Variants in SGCZ observed in about 807,000 individuals in gnomAD.
SGCZ encodes the protein sarcoglycan zeta, also known as zeta-sarcoglycan.
SGCZ carries 40 observed loss-of-function variants against 41.3 expected under a neutral mutation model. The observed-to-expected ratio is 0.97, with a 90% CI of 0.75 to 1.26. SGCZ has a LOEUF of 1.26. Among genes scored for constraint, SGCZ ranks in the 50% most tolerant of loss-of-function variants. The pLI is 0.00. For synonymous variants in SGCZ, 206 were observed against 137.5 expected (o/e 1.50, Z -3.49); for missense variants, 552 against 369.8 (o/e 1.49, Z -4.04).
chr8:14,732,762 A>C (rs970228210), intron 1 of SGCZ, among the ~76,000 whole-genome samples: 10 of 152,146 alleles, frequency 6.6e-5, no homozygotes, highest in Non-Finnish European at 1.5e-5. Context: ...TAAGTGATAG[A>C]GAAGTATTTT....
At chr8:15,189,608 T>C (rs1048915806) in intron 1 of SGCZ, among the ~76,000 whole-genome samples, 9 of 151,978 alleles carry the variant, frequency 5.9e-5, no homozygotes, top group African/African-American at 2.2e-4. Flanking sequence ...TTGCCCAGGC[T>C]AGAGCGCAAT....
chr8:14,260,930 C>T (rs550705775), intron 3 of SGCZ, among the ~76,000 whole-genome samples: 1 of 152,200 alleles, frequency 6.6e-6, no homozygotes, highest in Admixed American at 6.5e-5. Flanking sequence ...GGGAATATCA[C>T]ACTCCAGGGA....
At chr8:14,479,746 T>TTA (rs1801477402) in intron 2 of SGCZ, among the ~76,000 whole-genome samples, 1 of 76,106 alleles carries the variant, frequency 1.3e-5, no homozygotes, top group Non-Finnish European at 2.9e-5. Context: ...TTTTTTTTTT[T>TTA]TTTTTTTTTT....
chr8:14,809,111 G>A (rs1162732792), intron 1 of SGCZ, among the ~76,000 whole-genome samples: 1 of 150,512 alleles, frequency 6.6e-6, no homozygotes, highest in Admixed American at 6.6e-5. Flanking sequence ...GGATAGCATT[G>A]GGAGATATAC....
intron 2 of SGCZ, among the ~76,000 whole-genome samples, chr8:14,349,603 G>T (rs1483621925): frequency 6.6e-6 from 1 of 152,062 alleles, no homozygotes; most frequent in Non-Finnish European, 1.5e-5. Context: ...CCTAGTGGAG[G>T]ACAGATTAAC....
intron 1 of SGCZ, among the ~76,000 whole-genome samples, chr8:14,556,991 T>A (rs1175974490): frequency 6.6e-6 from 1 of 152,066 alleles, no homozygotes; most frequent in Non-Finnish European, 1.5e-5. Flanking sequence ...TACATTTAAT[T>A]ATTTCAGGAA....
intron 4 of SGCZ, among the ~76,000 whole-genome samples, chr8:14,225,920 G>T (rs1468268925): frequency 1.3e-5 from 2 of 152,054 alleles, no homozygotes; most frequent in Non-Finnish European, 2.9e-5. Flanking sequence ...TGATACCTCT[G>T]AAAGAAATAA....
At chr8:15,107,219 G>C (rs187961984) in intron 1 of SGCZ, among the ~76,000 whole-genome samples, 2 of 152,206 alleles carry the variant, frequency 1.3e-5, no homozygotes, top group African/African-American at 4.8e-5. Context: ...CAATATTTTA[G>C]AACTCTTTTG....
At chr8:14,969,689 A>G (rs1266284577) in intron 1 of SGCZ, among the ~76,000 whole-genome samples, 2 of 152,006 alleles carry the variant, frequency 1.3e-5, no homozygotes, top group Non-Finnish European at 2.9e-5. Context: ...TTATTTTGAG[A>G]TACATTCATG....
At chr8:14,915,713 C>T (rs1799414523) in intron 1 of SGCZ, among the ~76,000 whole-genome samples, 1 of 152,274 alleles carries the variant, frequency 6.6e-6, no homozygotes, top group African/African-American at 2.4e-5. Context: ...CAAACACCAC[C>T]TTCTCCAGCC....
At chr8:14,322,455 C>T (rs12235018) in intron 3 of SGCZ, among the ~76,000 whole-genome samples, 96,088 of 151,832 alleles carry the variant, frequency 0.63, 30,634 homozygotes, top group South Asian at 0.8. Context: ...TAGTGGACTC[C>T]ATCCTCTATG....
chr8:14,152,490 C>A (rs1250146948), intron 5 of SGCZ, among the ~76,000 whole-genome samples: 1 of 152,106 alleles, frequency 6.6e-6, no homozygotes, highest in African/African-American at 2.4e-5. Flanking sequence ...ATAGCAAGAT[C>A]CTGTCTCTTA....
chr8:14,495,423 A>C (rs980172082), intron 2 of SGCZ, among the ~76,000 whole-genome samples: 1 of 152,158 alleles, frequency 6.6e-6, no homozygotes, highest in African/African-American at 2.4e-5. Flanking sequence ...ACCAAACACT[A>C]AGCCCCACTG....
chr8:15,075,234 A>T (rs2131034469), intron 1 of SGCZ, among the ~76,000 whole-genome samples: 1 of 152,306 alleles, frequency 6.6e-6, no homozygotes, highest in Non-Finnish European at 1.5e-5. Context: ...ACAAAAAAAA[A>T]AAATGGATTA....
intron 1 of SGCZ, among the ~76,000 whole-genome samples, chr8:15,031,697 T>TA (rs1313525495): frequency 6.6e-6 from 1 of 152,166 alleles, no homozygotes; most frequent in Non-Finnish European, 1.5e-5. Flanking sequence ...CTATCCATGC[T>TA]AAATTATTCA....
chr8:14,781,500 A>C (rs1321263006), intron 1 of SGCZ, among the ~76,000 whole-genome samples: 1 of 152,148 alleles, frequency 6.6e-6, no homozygotes, highest in Non-Finnish European at 1.5e-5. Context: ...AAGTGCTGGC[A>C]TTTACAGCCT....
At chr8:14,372,033 T>C (rs1803930958) in intron 2 of SGCZ, among the ~76,000 whole-genome samples, 2 of 151,920 alleles carry the variant, frequency 1.3e-5, no homozygotes, top group Admixed American at 1.3e-4. Flanking sequence ...AAAGAAGATA[T>C]AGATCAATAT....
At chr8:14,991,237 C>G (rs1016291268) in intron 1 of SGCZ, among the ~76,000 whole-genome samples, 7 of 152,082 alleles carry the variant, frequency 4.6e-5, no homozygotes, top group Admixed American at 3.9e-4. Flanking sequence ...TCTTTATTCT[C>G]ATTCCATTCA....
At chr8:14,628,936 G>A (rs993296252) in intron 1 of SGCZ, among the ~76,000 whole-genome samples, 2 of 152,062 alleles carry the variant, frequency 1.3e-5, no homozygotes, top group Non-Finnish European at 2.9e-5. Context: ...TACTTTTGCT[G>A]TTGTGATTCA....
Sources: allele counts gnomAD v4.1 joint callset (sites outside exome capture counted in the v4.1 genomes callset), GRCh38; gene constraint gnomAD v4.1.1; transcripts MANE v1.5; gene names NCBI Gene and HGNC (gene_info 2026-07-23, HGNC 2026-07-21).